FAM124A: variants seen among roughly 807,000 people sequenced by gnomAD.
FAM124A encodes the protein protein FAM124A.
A neutral mutation model predicts 24.5 loss-of-function variants in FAM124A; 23 were observed. The observed-to-expected ratio is 0.94, with a 90% confidence interval of 0.68 to 1.33. FAM124A has a LOEUF of 1.33. Among genes scored for constraint, FAM124A ranks in the 40% most tolerant of loss-of-function variants. FAM124A has a pLI of 0.00. For synonymous variants in FAM124A, 287 were observed against 314.7 expected, an observed-to-expected ratio of 0.91 and a Z score of 0.93; for missense variants, 623 against 722.8, an observed-to-expected ratio of 0.86 and a Z score of 1.58.
intron 3 of FAM124A, among the ~76,000 whole-genome samples, chr13:51,263,580 T>G (rs1954757749): frequency 6.6e-6 from 1 of 152,194 alleles, no homozygotes; most frequent in South Asian, 2.1e-4. Context: ...AAAACCTGGC[T>G]GAAACAAGCA....
intron 2 of FAM124A, among the ~76,000 whole-genome samples, chr13:51,242,901 TTC>T (rs1954514851): frequency 6.6e-6 from 1 of 152,208 alleles, no homozygotes; most frequent in Non-Finnish European, 1.5e-5. Context: ...AAAGCCACCC[TTC>T]TTATAAAAGC....
At chr13:51,249,908 A>G (rs1954600968) in intron 2 of FAM124A, among the ~76,000 whole-genome samples, 1 of 152,194 alleles carries the variant, frequency 6.6e-6, no homozygotes, top group South Asian at 2.1e-4. Flanking sequence ...ATCATGCAAG[A>G]GTATACGTAA....
chr13:51,230,435 A>G (rs1002396249), intron 1 of FAM124A, among the ~76,000 whole-genome samples: 1 of 152,252 alleles, frequency 6.6e-6, no homozygotes, highest in Admixed American at 6.5e-5. Flanking sequence ...CTATAAAATT[A>G]AACATAATTA....
intron 3 of FAM124A, among the ~76,000 whole-genome samples, chr13:51,270,724 A>G (rs1954833188): frequency 6.6e-6 from 1 of 152,240 alleles, no homozygotes; most frequent in Non-Finnish European, 1.5e-5. Flanking sequence ...AGAATCTACA[A>G]TGGCCATGAC....
At position 51,258,287 on chromosome 13, in the gene FAM124A, A is replaced by C. The variant is rs1954696214; in HGVS notation, c.834+6086A>C. Among the ~76,000 whole-genome samples the C allele has an allele frequency of 6.6e-6, 1 of 152,288 alleles. No individual in the cohort carries two copies. Among genetic ancestry groups the C allele is most frequent in the East Asian group, 1.9e-4 (1 of 5,186 alleles). ...TATTTCCAAATAAGGTCATATTCTGAGGTTACTAGGGGATGGAACTTGAAC... is the reference window on the plus strand; with the variant it reads ...TATTTCCAAATAAGGTCATATTCTGCGGTTACTAGGGGATGGAACTTGAAC... On this transcript the variant is annotated intron_variant, in intron 3 of 3. Transcript: ENST00000322475. The surrounding 1 kb of genome is among the most constrained non-coding windows in gnomAD (Gnocchi z 4.2).
At chr13:51,239,024 A>G (rs1355741471) in intron 2 of FAM124A, among the ~76,000 whole-genome samples, 1 of 152,182 alleles carries the variant, frequency 6.6e-6, no homozygotes, top group Non-Finnish European at 1.5e-5. Context: ...CATCCGGGAT[A>G]TGAAAGAAAA....
chr13:51,245,487 T>A (rs1954549418), intron 2 of FAM124A: 7 of 475,422 alleles, frequency 1.5e-5, no homozygotes, highest in Admixed American at 3.8e-5. Flanking sequence ...CTTATCTACA[T>A]CTACAGCTCG....
At chr13:51,250,094 GA>G in intron 2 of FAM124A, among the ~76,000 whole-genome samples, 1 of 152,344 alleles carries the variant, frequency 6.6e-6, no homozygotes, top group Admixed American at 6.5e-5. Context: ...AGAAAATTCA[GA>G]CGGGTTTTGA....
At chr13:51,239,557 A>C (rs1051035665) in intron 2 of FAM124A, among the ~76,000 whole-genome samples, 1 of 152,202 alleles carries the variant, frequency 6.6e-6, no homozygotes, top group Admixed American at 6.5e-5. Context: ...CCAGTTCACT[A>C]TTGTTGGTCC....
intron 1 of FAM124A, 124 bp downstream of exon 1, chr13:51,222,693 C>A (rs1954273688): frequency 1.0e-6 from 1 of 985,004 alleles, no homozygotes; most frequent in Non-Finnish European, 1.3e-6. Flanking sequence ...CTCCTCCTGC[C>A]GGATCCCCCG....
intron 1 of FAM124A, among the ~76,000 whole-genome samples, chr13:51,229,484 A>G (rs1441964012): frequency 2.6e-5 from 4 of 152,242 alleles, no homozygotes; most frequent in African/African-American, 9.6e-5. Flanking sequence ...CTATGTTTCA[A>G]GTGTAAATTT....
chr13:51,245,442 G>A, intron 2 of FAM124A: 1 of 614,550 alleles, frequency 1.6e-6, no homozygotes, highest in Non-Finnish European at 2.9e-6. Flanking sequence ...TATTGGCGCA[G>A]CTTCCGGCAT....
At chr13:51,239,557 A>G (rs1051035665) in intron 2 of FAM124A, among the ~76,000 whole-genome samples, 1 of 152,202 alleles carries the variant, frequency 6.6e-6, no homozygotes, top group African/African-American at 2.4e-5. Context: ...CCAGTTCACT[A>G]TTGTTGGTCC....
At chr13:51,229,150 G>T (rs188455725) in intron 1 of FAM124A, among the ~76,000 whole-genome samples, 1 of 152,214 alleles carries the variant, frequency 6.6e-6, no homozygotes, top group Non-Finnish European at 1.5e-5. Context: ...GTGTGTTTCC[G>T]TTGTGACGGT....
chr13:51,275,744 G>C (rs759369309), intron 3 of FAM124A, among the ~76,000 whole-genome samples: 6 of 152,164 alleles, frequency 3.9e-5, no homozygotes, highest in Non-Finnish European at 7.4e-5. Flanking sequence ...TGAGGACGTG[G>C]AGCAACTGGA....
At chr13:51,265,741 C>T (rs999980268) in intron 3 of FAM124A, among the ~76,000 whole-genome samples, 11 of 151,846 alleles carry the variant, frequency 7.2e-5, no homozygotes, top group East Asian at 3.9e-4. Context: ...TGCACAGAGG[C>T]GGCTCCACCA....
chr13:51,243,360 G>A (rs1055537294), intron 2 of FAM124A, among the ~76,000 whole-genome samples: 22 of 152,154 alleles, frequency 1.4e-4, no homozygotes, highest in Non-Finnish European at 1.8e-4. Context: ...ATTACATTCC[G>A]GATGAATAGC....
rs1954847995 is a variant in FAM124A at position 51,272,493 on chromosome 13, T to C, written c.835-7957T>C. Among the ~76,000 whole-genome samples the C allele has an allele frequency of 6.6e-6, 1 of 151,940 alleles. No homozygotes were observed. The highest frequency in any genetic ancestry group is 6.6e-5 in the Admixed American group (1 of 15,266). On this transcript the variant is annotated intron_variant, in intron 3 of 3. Transcript: ENST00000322475. This position sits in a 1 kb window ranked among gnomAD's most constrained non-coding sequence, Gnocchi z 4.2. ...GTTTAGAAGTTTGTACAGAAAGCAA[T>C]TGACAGGAGTCGACAAATTAAAGAC...
chr13:51,269,020 A>AT (rs757050502), intron 3 of FAM124A, among the ~76,000 whole-genome samples: 5 of 152,230 alleles, frequency 3.3e-5, no homozygotes, highest in Non-Finnish European at 7.3e-5. Flanking sequence ...GTTAGCCACA[A>AT]TCTGAGTAAA....
Sources: gnomAD v4.1 joint callset for allele counts (sites outside exome capture counted in the v4.1 genomes callset) on GRCh38, gnomAD v4.1.1 for gene constraint, Gnocchi (gnomAD v3.1) non-coding constraint, MANE v1.5 for transcripts, NCBI Gene and HGNC (gene_info 2026-07-23, HGNC 2026-07-21) for gene names.